Variants in BRD8 observed in about 807,000 individuals in gnomAD.
BRD8 encodes the protein bromodomain containing 8, also known as bromodomain-containing protein 8.
A neutral mutation model predicts 143.1 loss-of-function variants in BRD8; 67 were observed. The observed-to-expected ratio is 0.47, with a 90% CI of 0.38 to 0.57. The LOEUF (loss-of-function observed/expected upper bound fraction) is 0.57. Ranked by LOEUF, BRD8 falls within the 20% of genes least tolerant of loss-of-function variation. BRD8 has a pLI of 0.00. For synonymous variants in BRD8, 505 were observed against 517.1 expected (o/e 0.98, Z 0.32); for missense variants, 1,103 against 1,503.0 (o/e 0.73, Z 4.40).
Position 138,149,659 on chromosome 5 carries a change from G to A in BRD8, c.3259C>T (p.His1087Tyr), listed in dbSNP as rs530417796. The A allele has an allele frequency of 3.1e-6, 5 of 1,608,310 alleles. No individual in the cohort carries two copies. The highest frequency in any genetic ancestry group is 1.3e-5 in the African/African-American group (1 of 74,840). Residue 1087 changes from histidine (H) to tyrosine (Y), a missense_variant, in exon 23 of 27, where the codon CAT (histidine) becomes TAT (tyrosine). This residue lies in a region of BRD8 where 369 missense variants were observed against 445.5 expected (regional missense o/e 0.83). Coordinates refer to ENST00000254900, the MANE Select transcript of BRD8 (RefSeq NM_139199.2). ...ETPLVDTLFS[H>Y]ATSSKLTDLS... ...GCTTACAGCTTTGAGGAGGTAGCAT[G>A]GCTGAAAAGTGTATCCACCAAGGGA...
chr5:138,152,114 C>G (rs1299192300), intron 21 of BRD8, among the ~76,000 whole-genome samples: 1 of 152,036 alleles, frequency 6.6e-6, no homozygotes, highest in Non-Finnish European at 1.5e-5. Flanking sequence ...CCTCGGCCTC[C>G]TAAAGTGCTG....
In BRD8 at chr5:138,149,644, T is replaced by C. The variant is rs565944249; in HGVS notation, c.3274A>G (p.Lys1092Glu). Reference protein sequence around the residue: ...DTLFSHATSSKLTDLSQDDPV... With the variant: ...DTLFSHATSSELTDLSQDDPV... Reference sequence around the variant, plus strand: ...TGGATGAAAGTCTACGCTTACAGCTTTGAGGAGGTAGCATGGCTGAAAAGT... The same window carrying C: ...TGGATGAAAGTCTACGCTTACAGCTCTGAGGAGGTAGCATGGCTGAAAAGT... Residue 1092 changes from lysine (K) to glutamate (E), a missense_variant, in exon 23 of 27, where the codon AAG becomes GAG. Around this residue, in one of 7 missense-constraint regions of BRD8, gnomAD observed 369 missense variants for 445.5 expected, o/e 0.83. Coordinates refer to ENST00000254900, the MANE Select transcript of BRD8 (RefSeq NM_139199.2). 3.1e-6 allele frequency: 5 copies of C among 1,604,264 alleles called. No individual in the cohort carries two copies. Among genetic ancestry groups the C allele is most frequent in the Non-Finnish European group, 4.3e-6 (5 of 1,176,458 alleles).
At chr5:138,163,606 C>T (rs756264170) in intron 14 of BRD8, 89 of 1,431,662 alleles carry the variant, frequency 6.2e-5, no homozygotes, top group Non-Finnish European at 7.7e-5. Flanking sequence ...AGCTAAGAGG[C>T]GTTCCTTCTT....
chr5:138,176,603 G>C (rs1022855156), intron 2 of BRD8, among the ~76,000 whole-genome samples: 2 of 152,054 alleles, frequency 1.3e-5, no homozygotes, highest in African/African-American at 4.8e-5. Flanking sequence ...GAAAGTAGAT[G>C]AGTGCTTGCT....
At chr5:138,149,878 G>A in intron 22 of BRD8, 81 bp from the exon 23 acceptor site, 1 of 1,402,568 alleles carries the variant, frequency 7.1e-7, no homozygotes, top group Non-Finnish European at 9.6e-7. Context: ...AGTAAATGAA[G>A]GCTGCCCTTA....
chr5:138,163,485 T>C (rs1052741286), intron 14 of BRD8, 141 bp from the exon 15 acceptor site: 2 of 1,335,656 alleles, frequency 1.5e-6, no homozygotes, highest in African/African-American at 2.9e-5. Flanking sequence ...CTATCACTTA[T>C]ACTACCATCT....
chr5:138,143,938 C>T (rs1581399110), intron 25 of BRD8, among the ~76,000 whole-genome samples: 1 of 152,162 alleles, frequency 6.6e-6, no homozygotes, highest in African/African-American at 2.4e-5. Flanking sequence ...AGTGGCAACC[C>T]GCTGGAGTCC....
intron 10 of BRD8, 66 bp downstream of exon 10, chr5:138,166,452 T>TG: frequency 1.0e-6 from 1 of 1,004,398 alleles, no homozygotes; most frequent in South Asian, 1.6e-5. Context: ...CTGATGCTCT[T>TG]GGTCATTTTT....
chr5:138,167,100 A>C (rs1753498213), intron 9 of BRD8, among the ~76,000 whole-genome samples: 1 of 147,784 alleles, frequency 6.8e-6, no homozygotes, highest in African/African-American at 2.5e-5. Flanking sequence ...ACAAAAAAAA[A>C]AAAAAAAAAA....
intron 22 of BRD8, 69 bp from the exon 23 acceptor site, chr5:138,149,866 A>G: frequency 2.0e-6 from 3 of 1,464,932 alleles, no homozygotes; most frequent in Non-Finnish European, 2.7e-6. Flanking sequence ...TTACTTGCAT[A>G]GAGTAAATGA....
rs11369426 is a variant in BRD8 at position 138,175,697 on chromosome 5, TA to T, written c.116+1873del. On this transcript the variant is annotated intron_variant, in intron 2 of 26. Coordinates refer to ENST00000254900, the MANE Select transcript of BRD8 (RefSeq NM_139199.2). ...TCTACAAAAACATAAATATTTAAATTAAAAAAAAAAAAAAAGTTCAGCCTGG... is the reference window on the plus strand; with the variant it reads ...TCTACAAAAACATAAATATTTAAATTAAAAAAAAAAAAAAGTTCAGCCTGG... Among the ~76,000 whole-genome samples the T allele has an allele frequency of 6.5e-4, 90 of 139,032 alleles. 1 individual carries two copies. The highest frequency in any genetic ancestry group is 4.2e-3 in the East Asian group (20 of 4,816). The allele number at this position is 139,032 out of a possible 152,430, so 91.2% of individuals were successfully genotyped here.
At chr5:138,165,190 T>C (rs1480696910) in intron 11 of BRD8, 24 bp from the exon 12 acceptor site, 18 of 1,603,862 alleles carry the variant, frequency 1.1e-5, no homozygotes, top group Non-Finnish European at 1.4e-5. Context: ...CACAAGACTA[T>C]TGAGGTCACA....
chr5:138,164,792 A>G lies in BRD8; in HGVS notation c.1653T>C (p.Thr551=). ...SQDLDEELGS[T]AAGEIVEADV... Reference sequence around the variant, plus strand: ...CTGCTTCAACAATCTCTCCAGCTGCAGTACTTCCCAGTTCCTCATCTAAGT... The same window carrying G: ...CTGCTTCAACAATCTCTCCAGCTGCGGTACTTCCCAGTTCCTCATCTAAGT... Residue 551 remains threonine (T), a synonymous_variant, in exon 12 of 27, where the codon ACT becomes ACC. Coordinates refer to ENST00000254900, the MANE Select transcript of BRD8 (RefSeq NM_139199.2). 1 of 1,614,164 alleles carries G rather than the reference A, an allele frequency of 6.2e-7. No individual in the cohort carries two copies. The highest frequency in any genetic ancestry group is 8.5e-7 in the Non-Finnish European group (1 of 1,180,024).
intron 3 of BRD8, among the ~76,000 whole-genome samples, chr5:138,171,655 A>G (rs1753873070): frequency 6.6e-6 from 1 of 152,210 alleles, no homozygotes; most frequent in Non-Finnish European, 1.5e-5. Flanking sequence ...CTAACTGCCA[A>G]TATTTATAGC....
At chr5:138,166,948 A>T in intron 9 of BRD8, 1 of 470,362 alleles carries the variant, frequency 2.1e-6, no homozygotes, top group South Asian at 2.1e-5. Flanking sequence ...CAACATATAT[A>T]AAAAATGGGT....
At chr5:138,167,244 G>A (rs1483009554) in intron 9 of BRD8, among the ~76,000 whole-genome samples, 1 of 151,850 alleles carries the variant, frequency 6.6e-6, no homozygotes, top group Non-Finnish European at 1.5e-5. Context: ...CTCCAGCTTG[G>A]GCGACAGAGC....
At chr5:138,161,458 AATGCG>A (rs1234995529) in intron 17 of BRD8, among the ~76,000 whole-genome samples, 6 of 152,020 alleles carry the variant, frequency 3.9e-5, no homozygotes, top group Non-Finnish European at 7.4e-5. Flanking sequence ...TGGGACTACA[AATGCG>A]CGACACCACA....
At chr5:138,168,417 C>T in intron 8 of BRD8, 3 of 1,287,728 alleles carry the variant, frequency 2.3e-6, no homozygotes, top group Non-Finnish European at 3.3e-6. Context: ...CAGGCACTCC[C>T]TTCCAAGTAC....
chr5:138,148,022 T>C (rs1314057331), intron 23 of BRD8, among the ~76,000 whole-genome samples: 2 of 152,078 alleles, frequency 1.3e-5, no homozygotes, highest in Non-Finnish European at 2.9e-5. Context: ...TTTAGTCCTA[T>C]AATTATCTAT....
Sources: gnomAD v4.1 joint callset for allele counts (sites outside exome capture counted in the v4.1 genomes callset) on GRCh38, gnomAD v4.1.1 for gene constraint, gnomAD v4.1.1 regional missense constraint, MANE v1.5 for transcripts, NCBI Gene and HGNC (gene_info 2026-07-23, HGNC 2026-07-21) for gene names.